The following POLN variants were observed in gnomAD, a reference collection of about 807,000 sequenced individuals.
POLN encodes DNA polymerase N.
In POLN, 108 loss-of-function variants were observed where a neutral mutation model predicts 113.5. That is an observed-to-expected ratio of 0.95 (90% confidence interval 0.81 to 1.12). The LOEUF is 1.12. Among genes scored for constraint, POLN ranks in the 50% most tolerant of loss-of-function variants. The pLI, the probability that POLN is intolerant of heterozygous loss-of-function variation, is 0.00. For synonymous variants in POLN, 386 were observed against 391.5 expected, an observed-to-expected ratio of 0.99 and a Z score of 0.17; for missense variants, 1,097 against 1,077.1, an observed-to-expected ratio of 1.02 and a Z score of -0.26.
chr4:2,103,521 G>C (rs1181629940), intron 19 of POLN, among the ~76,000 whole-genome samples: 2 of 152,028 alleles, frequency 1.3e-5, no homozygotes, highest in Non-Finnish European at 2.9e-5. Context: ...AGATCTAAAG[G>C]CTCAGAAAAC....
intron 19 of POLN, among the ~76,000 whole-genome samples, chr4:2,105,937 C>T (rs1577695698): frequency 6.6e-6 from 1 of 152,102 alleles, no homozygotes; most frequent in Non-Finnish European, 1.5e-5. Flanking sequence ...CTGAACTTGA[C>T]AGTCACTCCC....
intron 19 of POLN, among the ~76,000 whole-genome samples, chr4:2,105,792 C>A (rs987668365): frequency 6.8e-6 from 1 of 146,794 alleles, no homozygotes; most frequent in East Asian, 2.0e-4. Flanking sequence ...AGCCCACTCT[C>A]CCAGACAAAT....
At chr4:2,235,586 T>C (rs1168876499) in intron 2 of POLN, among the ~76,000 whole-genome samples, 1 of 152,144 alleles carries the variant, frequency 6.6e-6, no homozygotes, top group Non-Finnish European at 1.5e-5. Flanking sequence ...TTTACGTGTA[T>C]CAACATGAGT....
intron 19 of POLN, among the ~76,000 whole-genome samples, chr4:2,111,235 T>C (rs1393624641): frequency 2.6e-5 from 4 of 152,302 alleles, no homozygotes; most frequent in African/African-American, 7.2e-5. Flanking sequence ...TGATGGGACG[T>C]ATCTCAAAAT....
At chr4:2,086,885 G>C (rs538291077) in intron 20 of POLN, among the ~76,000 whole-genome samples, 1 of 152,326 alleles carries the variant, frequency 6.6e-6, no homozygotes, top group African/African-American at 2.4e-5. Context: ...CATGGCCCAG[G>C]GGGTGAAGGT....
chr4:2,097,340 C>T (rs1431887870), intron 19 of POLN, among the ~76,000 whole-genome samples: 1 of 152,062 alleles, frequency 6.6e-6, no homozygotes, highest in Non-Finnish European at 1.5e-5. Flanking sequence ...AGAGTCATCA[C>T]CAGGCTCTCC....
At chr4:2,201,534 C>T (rs539558731) in intron 5 of POLN, among the ~76,000 whole-genome samples, 44 of 151,896 alleles carry the variant, frequency 2.9e-4, no homozygotes, top group African/African-American at 1.0e-3. Flanking sequence ...ACAAAGCCTC[C>T]AAGAAGTCTC....
intron 4 of POLN, among the ~76,000 whole-genome samples, chr4:2,210,844 C>G (rs550228334): frequency 6.7e-6 from 1 of 149,744 alleles, no homozygotes; most frequent in African/African-American, 2.4e-5. Flanking sequence ...TCGCTTAAAC[C>G]CAGGAGACGG....
At chr4:2,191,258 T>C (rs547101960) in intron 7 of POLN, among the ~76,000 whole-genome samples, 1 of 152,226 alleles carries the variant, frequency 6.6e-6, no homozygotes, top group South Asian at 2.1e-4. Context: ...AAGATAAATA[T>C]CGCTCATATG....
intron 20 of POLN, among the ~76,000 whole-genome samples, chr4:2,086,313 T>A (rs1391997243): frequency 6.6e-6 from 1 of 152,140 alleles, no homozygotes; most frequent in African/African-American, 2.4e-5. Context: ...AGTTTCTATT[T>A]ATTAACAAGA....
chr4:2,157,802 G>A, intron 15 of POLN, 56 bp downstream of exon 15: 2 of 1,103,916 alleles, frequency 1.8e-6, no homozygotes, highest in Non-Finnish European at 2.7e-6. Context: ...ATATGTATCT[G>A]AACTCATACA....
At chr4:2,143,743 C>T (rs1256487716) in intron 16 of POLN, among the ~76,000 whole-genome samples, 1 of 152,074 alleles carries the variant, frequency 6.6e-6, no homozygotes. Context: ...AGATTAATAT[C>T]CCTCATAAAC....
At chr4:2,089,545 G>A (rs1730620423) in intron 20 of POLN, 2 of 1,208,194 alleles carry the variant, frequency 1.7e-6, no homozygotes, top group African/African-American at 1.5e-5. Context: ...GTAATTCTTG[G>A]CACTTTGTTC....
intron 8 of POLN, among the ~76,000 whole-genome samples, chr4:2,179,069 G>C (rs936103585): frequency 1.6e-4 from 24 of 152,160 alleles, no homozygotes; most frequent in Non-Finnish European, 2.9e-4. Flanking sequence ...AGAGTCATCT[G>C]GAAGAGTCAC....
At chr4:2,089,970 T>C in intron 20 of POLN, 1 of 931,436 alleles carries the variant, frequency 1.1e-6, no homozygotes, top group Non-Finnish European at 1.7e-6. Flanking sequence ...ACCTACATGA[T>C]TCTGGTTTCT....
chr4:2,234,732 T>A (rs1276129339), intron 2 of POLN, among the ~76,000 whole-genome samples: 1 of 152,138 alleles, frequency 6.6e-6, no homozygotes, highest in Admixed American at 6.5e-5. Flanking sequence ...AGAAAAAGCA[T>A]CACCAGGAAT....
At chr4:2,129,493 A>G (rs1166941708) in intron 17 of POLN, among the ~76,000 whole-genome samples, 1 of 152,048 alleles carries the variant, frequency 6.6e-6, no homozygotes, top group African/African-American at 2.4e-5. Flanking sequence ...GGCTTAAGCA[A>G]TACTCCTGCC....
At chr4:2,203,153 T>TCAGAC (rs1035449941) in intron 5 of POLN, among the ~76,000 whole-genome samples, 4 of 152,146 alleles carry the variant, frequency 2.6e-5, no homozygotes, top group Admixed American at 2.6e-4. Context: ...AAGCACTCTC[T>TCAGAC]CAGACCACAG....
intron 23 of POLN, chr4:2,080,719 G>A: frequency 7.1e-7 from 1 of 1,409,340 alleles, no homozygotes; most frequent in Non-Finnish European, 9.2e-7. Flanking sequence ...GGGGTCTGGG[G>A]GAGACAGCAT....
Sources: allele counts gnomAD v4.1 joint callset (sites outside exome capture counted in the v4.1 genomes callset), GRCh38; gene constraint gnomAD v4.1.1; transcripts MANE v1.5; gene names NCBI Gene and HGNC (gene_info 2026-07-23, HGNC 2026-07-21).